Variants in HSPA12A observed in about 807,000 individuals in gnomAD.
HSPA12A encodes the protein heat shock 70 kDa protein 12A.
Under a neutral mutation model 69.2 loss-of-function variants are expected in HSPA12A, and 28 were observed. The observed-to-expected ratio is 0.40, with a 90% confidence interval of 0.30 to 0.55. The LOEUF is 0.55. Among genes scored for constraint, HSPA12A ranks in the 20% least tolerant of loss-of-function variants. The pLI, the probability that HSPA12A is intolerant of heterozygous loss-of-function variation, is 0.38. For synonymous variants in HSPA12A, 345 were observed against 370.5 expected (o/e 0.93, Z 0.79); for missense variants, 686 against 900.7 (o/e 0.76, Z 3.05).
chr10:116,707,148 TGCGCGC>T (rs1564788785), intron 2 of HSPA12A, 46 bp downstream of exon 2: 1 of 968,940 alleles, frequency 1.0e-6, no homozygotes, highest in Non-Finnish European at 1.5e-6. Flanking sequence ...TGCGCACCCA[TGCGCGC>T]ACACACACAC....
intron 2 of HSPA12A, among the ~76,000 whole-genome samples, chr10:116,815,077 G>A (rs764606119): frequency 1.3e-5 from 2 of 148,826 alleles, no homozygotes; most frequent in Admixed American, 6.8e-5. Context: ...CTAAGTACAC[G>A]ACTTTACATT....
upstream of HSPA12A, among the ~76,000 whole-genome samples, chr10:116,745,493 G>A (rs1851629357): frequency 1.3e-5 from 2 of 152,154 alleles, no homozygotes; most frequent in Non-Finnish European, 2.9e-5. Context: ...CCCTCCACAG[G>A]CTGTAGACTG....
intron 1 of HSPA12A, among the ~76,000 whole-genome samples, chr10:116,721,859 G>A (rs1420068469): frequency 1.3e-5 from 2 of 152,216 alleles, no homozygotes; most frequent in South Asian, 2.1e-4. Context: ...GCTCACCCAC[G>A]TTGGTGTGTA....
rs555393775 is a variant in HSPA12A, at chr10:116,834,672, G to A, written c.91+263C>T. The stretch of plus-strand genomic sequence containing the variant: ...ATCTGTGCGTGTGAGTGTGGCCAGC[G>A]ATGATTCTAGGCTTTGGATAGGTGG... On this transcript the variant is annotated intron_variant, in intron 2 of 12. Transcript: ENST00000635765. Among the ~76,000 whole-genome samples the A allele has an allele frequency of 7.9e-5, 12 of 152,278 alleles. No individual in the cohort carries two copies. In the South Asian group the frequency reaches 8.3e-4, roughly 11 times the overall value.
rs4752000 is a variant in HSPA12A at position 116,675,751 on chromosome 10, G to C, written c.1391-333C>G. Among the ~76,000 whole-genome samples the C allele has an allele frequency of 0.61, 92,537 of 152,112 alleles. 29,490 individuals carry two copies. Among genetic ancestry groups the C allele is most frequent in the South Asian group, 0.78 (3,744 of 4,826 alleles). ...CCTGTGGTTCTGTTGGGTAAGTCAA[G>C]GCAGGTTGTTATAAATAGAATTCTC... is the stretch of plus-strand genomic sequence containing the variant. On this transcript the variant is annotated intron_variant, in intron 11 of 11. Transcript: ENST00000369209. The surrounding 1 kb of genome is among the most constrained non-coding windows in gnomAD (Gnocchi z 5.2).
At chr10:116,801,900 C>T (rs566611125) in intron 2 of HSPA12A, among the ~76,000 whole-genome samples, 47 of 152,222 alleles carry the variant, frequency 3.1e-4, no homozygotes, top group Non-Finnish European at 6.0e-4. Flanking sequence ...CAAGTATACC[C>T]TTTTTTGTGT....
chr10:116,844,363 C>T (rs958975856), intron 1 of HSPA12A, among the ~76,000 whole-genome samples: 6 of 152,028 alleles, frequency 3.9e-5, no homozygotes, highest in African/African-American at 1.2e-4. Flanking sequence ...CAGCAGACAT[C>T]GATGAAGAAA....
At chr10:116,827,332 G>A (rs907676010) in intron 2 of HSPA12A, among the ~76,000 whole-genome samples, 15 of 152,210 alleles carry the variant, frequency 9.9e-5, no homozygotes, top group Non-Finnish European at 1.8e-4. Flanking sequence ...AAGGTCTCCC[G>A]TGTCCAGGCT....
At chr10:116,805,493 A>C (rs574567186) in intron 2 of HSPA12A, among the ~76,000 whole-genome samples, 3 of 152,280 alleles carry the variant, frequency 2.0e-5, no homozygotes, top group Non-Finnish European at 4.4e-5. Flanking sequence ...ACACCTGAGG[A>C]CACAGAAACA....
chr10:116,679,865 A>G, intron 9 of HSPA12A, 104 bp from the exon 10 acceptor site: 3 of 1,166,296 alleles, frequency 2.6e-6, no homozygotes, highest in Non-Finnish European at 3.7e-6. Context: ...GCCACTTAGC[A>G]ATGGGACGGC....
chr10:116,743,361 C>T (rs1851575885), upstream of HSPA12A, among the ~76,000 whole-genome samples: 1 of 152,230 alleles, frequency 6.6e-6, no homozygotes, highest in Non-Finnish European at 1.5e-5. Flanking sequence ...CCCCTGGGTC[C>T]GCGGTGTCAC....
At chr10:116,808,006 C>T (rs1845101219) in intron 2 of HSPA12A, among the ~76,000 whole-genome samples, 1 of 152,186 alleles carries the variant, frequency 6.6e-6, no homozygotes, top group Non-Finnish European at 1.5e-5. Context: ...TAGCCTCTGG[C>T]CATCTCCTCC....
chr10:116,770,756 GC>G (rs1308722153), intron 2 of HSPA12A, among the ~76,000 whole-genome samples: 4 of 152,180 alleles, frequency 2.6e-5, no homozygotes, highest in African/African-American at 9.7e-5. Context: ...GCTCGGGACA[GC>G]CCTCTGCTCT....
At chr10:116,805,326 A>G (rs1845046231) in intron 2 of HSPA12A, among the ~76,000 whole-genome samples, 1 of 152,136 alleles carries the variant, frequency 6.6e-6, no homozygotes, top group African/African-American at 2.4e-5. Context: ...AAAAAAACAA[A>G]AACTGCAGGG....
intron 2 of HSPA12A, among the ~76,000 whole-genome samples, chr10:116,785,209 C>T (rs1844550745): frequency 6.6e-6 from 1 of 152,032 alleles, no homozygotes; most frequent in Non-Finnish European, 1.5e-5. Context: ...TCCCACCCAC[C>T]GCCACCATCA....
At chr10:116,682,677 A>G (rs1849448508) in intron 7 of HSPA12A, among the ~76,000 whole-genome samples, 1 of 152,080 alleles carries the variant, frequency 6.6e-6, no homozygotes. Context: ...TCAGGTCAGG[A>G]AAGGTTAAGG....
At chr10:116,756,955 C>T (rs1359402530) in intron 2 of HSPA12A, among the ~76,000 whole-genome samples, 1 of 152,066 alleles carries the variant, frequency 6.6e-6, no homozygotes, top group Non-Finnish European at 1.5e-5. Context: ...TTCTCCATGG[C>T]GTATGTAACT....
intron 1 of HSPA12A, among the ~76,000 whole-genome samples, chr10:116,731,152 G>A (rs1240157480): frequency 2.0e-5 from 3 of 152,232 alleles, no homozygotes; most frequent in Admixed American, 6.5e-5. Context: ...TAGGCAGAAC[G>A]GGCCCCTGAC....
rs1291174156 is a variant in HSPA12A at position 116,723,561 on chromosome 10, G to T, written c.41-16276C>A. 6.6e-6 allele frequency among the ~76,000 whole-genome samples: 1 copy of T among 152,190 alleles called. No homozygotes were observed. Among genetic ancestry groups the T allele is most frequent in the Non-Finnish European group, 1.5e-5 (1 of 68,040 alleles). On this transcript the variant is annotated intron_variant, in intron 1 of 11. Coordinates refer to ENST00000369209, the MANE Select transcript of HSPA12A (RefSeq NM_025015.3). This position sits in a 1 kb window ranked among gnomAD's most constrained non-coding sequence, Gnocchi z 4.1. ...CAGGCTAACAACTGTCTCTCTCACAGGGCTGCTGTGGAGACCACAAGGGGT... is the reference window on the plus strand; with the variant it reads ...CAGGCTAACAACTGTCTCTCTCACATGGCTGCTGTGGAGACCACAAGGGGT...
Sources: gnomAD v4.1 joint callset for allele counts (sites outside exome capture counted in the v4.1 genomes callset) on GRCh38, gnomAD v4.1.1 for gene constraint, Gnocchi (gnomAD v3.1) non-coding constraint, MANE v1.5 for transcripts, NCBI Gene and HGNC (gene_info 2026-07-23, HGNC 2026-07-21) for gene names.